Variants in TRIO observed in about 807,000 individuals in gnomAD.
The protein encoded by TRIO is triple functional domain protein.
TRIO carries 58 observed loss-of-function variants against 351.9 expected under a neutral mutation model. The ratio of observed to expected loss-of-function variants is 0.16; its 90% CI spans 0.13 to 0.21. The LOEUF is 0.21. Ranked by LOEUF, TRIO falls within the 10% of genes least tolerant of loss-of-function variation. The pLI is 1.00. For synonymous variants in TRIO, 1,758 were observed against 1,595.7 expected (o/e 1.10, Z -2.42); for missense variants, 3,201 against 4,027.8 (o/e 0.79, Z 5.56).
At chr5:14,383,166 A>AT (rs1348212645) in intron 21 of TRIO, among the ~76,000 whole-genome samples, 12 of 152,188 alleles carry the variant, frequency 7.9e-5, no homozygotes, top group African/African-American at 2.4e-4. Flanking sequence ...TACAAAAAGA[A>AT]TTTTTTTTAA....
intron 11 of TRIO, among the ~76,000 whole-genome samples, chr5:14,339,911 T>G (rs1249770680): frequency 6.6e-6 from 1 of 152,042 alleles, no homozygotes; most frequent in Non-Finnish European, 1.5e-5. Flanking sequence ...CAAGTTTAAT[T>G]AGTTTAAAAT....
At chr5:14,400,830 C>G (rs1009424929) in intron 30 of TRIO, 133 bp from the exon 31 acceptor site, 2 of 717,218 alleles carry the variant, frequency 2.8e-6, no homozygotes, top group East Asian at 2.8e-5. Context: ...ACTCACATGA[C>G]AGCTGAGATC....
At chr5:14,485,771 AG>A (rs1440308486) in intron 47 of TRIO, among the ~76,000 whole-genome samples, 2 of 152,182 alleles carry the variant, frequency 1.3e-5, no homozygotes, top group Non-Finnish European at 2.9e-5. Flanking sequence ...AGATCACCTG[AG>A]GTCAGGAGTT....
chr5:14,399,319 G>T, intron 30 of TRIO: 1 of 466,226 alleles, frequency 2.1e-6, no homozygotes, highest in South Asian at 5.8e-5. Flanking sequence ...TATAACTGCA[G>T]GATAAGAAAA....
intron 1 of TRIO, among the ~76,000 whole-genome samples, chr5:14,236,907 T>C (rs1482408736): frequency 6.6e-6 from 1 of 152,196 alleles, no homozygotes; most frequent in East Asian, 1.9e-4. Context: ...TGGCTTTGCC[T>C]ATGAAACAAC....
At chr5:14,310,468 G>A (rs1738821317) in intron 8 of TRIO, among the ~76,000 whole-genome samples, 1 of 152,246 alleles carries the variant, frequency 6.6e-6, no homozygotes, top group African/African-American at 2.4e-5. Context: ...AACTTAGTGT[G>A]TGCCTCAACA....
chr5:14,282,787 C>A (rs1293853108), intron 3 of TRIO, among the ~76,000 whole-genome samples: 2 of 152,302 alleles, frequency 1.3e-5, no homozygotes, highest in East Asian at 3.9e-4. Flanking sequence ...CCTCCGGCCA[C>A]TGAACAGTCT....
chr5:14,327,576 A>G (rs760735965), intron 9 of TRIO, among the ~76,000 whole-genome samples: 1 of 152,120 alleles, frequency 6.6e-6, no homozygotes, highest in Non-Finnish European at 1.5e-5. Context: ...TCAAGTCTCT[A>G]TGGACTTTCC....
At chr5:14,271,625 C>G (rs1226706627) in intron 2 of TRIO, among the ~76,000 whole-genome samples, 1 of 152,178 alleles carries the variant, frequency 6.6e-6, no homozygotes, top group Non-Finnish European at 1.5e-5. Flanking sequence ...GACCCCAGTT[C>G]ACTTGTTACC....
chr5:14,235,595 A>G lies in TRIO; in HGVS notation c.158-35230A>G, dbSNP rs540062928. On this transcript the variant is annotated intron_variant, in intron 1 of 56. Transcript: ENST00000344204. Reference sequence around the variant, plus strand: ...AATGTTTGTTGTTACAGTTACAACTACTAGCTTTTAATGGTAGAATTTTGG... The same window carrying G: ...AATGTTTGTTGTTACAGTTACAACTGCTAGCTTTTAATGGTAGAATTTTGG... 2.6e-5 allele frequency among the ~76,000 whole-genome samples: 4 copies of G among 152,248 alleles called. No individual in the cohort carries two copies. The East Asian group carries it at 5.8e-4, about 22-fold the overall frequency.
At chr5:14,319,135 C>G (rs140481760) in intron 9 of TRIO, among the ~76,000 whole-genome samples, 18 of 152,226 alleles carry the variant, frequency 1.2e-4, no homozygotes, top group African/African-American at 4.3e-4. Flanking sequence ...CTTTTTTTCC[C>G]CTCTCAAACA....
intron 39 of TRIO, among the ~76,000 whole-genome samples, chr5:14,472,991 T>C (rs1754796186): frequency 6.6e-6 from 1 of 152,194 alleles, no homozygotes; most frequent in Admixed American, 6.5e-5. Context: ...TTGCCTTAAT[T>C]GTATCACTAC....
intron 34 of TRIO, among the ~76,000 whole-genome samples, chr5:14,452,358 G>T (rs1481140220): frequency 6.6e-6 from 1 of 152,220 alleles, no homozygotes; most frequent in African/African-American, 2.4e-5. Flanking sequence ...AGTTTCCAAA[G>T]ACTTTTTTCA....
intron 48 of TRIO, among the ~76,000 whole-genome samples, chr5:14,492,186 A>G (rs998710326): frequency 3.3e-5 from 5 of 152,196 alleles, no homozygotes; most frequent in African/African-American, 9.6e-5. Context: ...TTTTTAACTG[A>G]TAATGAGATT....
intron 11 of TRIO, among the ~76,000 whole-genome samples, chr5:14,342,244 C>T (rs1024063865): frequency 5.3e-5 from 8 of 152,212 alleles, no homozygotes; most frequent in African/African-American, 9.7e-5. Context: ...AGGTCCTCAC[C>T]GAGTTTGCTC....
chr5:14,393,692 A>G (rs1165943871), intron 27 of TRIO, among the ~76,000 whole-genome samples: 1 of 152,138 alleles, frequency 6.6e-6, no homozygotes, highest in Non-Finnish European at 1.5e-5. Flanking sequence ...AGCAAGGAAT[A>G]CAACCAGTTG....
In TRIO at chr5:14,275,973, TAC is replaced by T. The variant is rs1192340529; in HGVS notation, c.233-4347_233-4346del. 5.4e-5 allele frequency among the ~76,000 whole-genome samples: 8 copies of T among 148,272 alleles called. No individual in the cohort carries two copies. The East Asian group carries it at 5.8e-4, about 11-fold the overall frequency. On this transcript the variant is annotated intron_variant, in intron 2 of 56. Coordinates refer to ENST00000344204, the MANE Select transcript of TRIO (RefSeq NM_007118.4). Reference sequence around the variant, plus strand: ...ATACATATATATACATATATATACATACATATATATATATACACACACACATA... The same window carrying T: ...ATACATATATATACATATATATACATATATATATATATACACACACACATA...
intron 1 of TRIO, among the ~76,000 whole-genome samples, chr5:14,145,328 G>T (rs938153800): frequency 6.6e-6 from 1 of 152,162 alleles, no homozygotes; most frequent in Admixed American, 6.5e-5. Context: ...GCTAGGCGGG[G>T]TTATTTTTGA....
chr5:14,225,788 T>TTCCCCCCC (rs1792956751), intron 1 of TRIO, among the ~76,000 whole-genome samples: 1 of 45,958 alleles, frequency 2.2e-5, no homozygotes, highest in African/African-American at 7.3e-5. Context: ...TATTCACTGC[T>TTCCCCCCC]CCCACCCCCC....
Sources: allele counts gnomAD v4.1 joint callset (sites outside exome capture counted in the v4.1 genomes callset), GRCh38; gene constraint gnomAD v4.1.1; transcripts MANE v1.5; gene names NCBI Gene and HGNC (gene_info 2026-07-23, HGNC 2026-07-21).